The following OSMR variants were observed in gnomAD, a reference collection of about 807,000 sequenced individuals.
OSMR encodes oncostatin-M-specific receptor subunit beta.
A neutral mutation model predicts 99.9 loss-of-function variants in OSMR; 81 were observed. The observed-to-expected ratio is 0.81, with a 90% CI of 0.68 to 0.97. OSMR has a LOEUF of 0.97. Ranked by LOEUF, OSMR falls within the 50% of genes least tolerant of loss-of-function variation. OSMR has a pLI of 0.00. For synonymous variants in OSMR, 406 were observed against 410.4 expected, an observed-to-expected ratio of 0.99 and a Z score of 0.13; for missense variants, 1,099 against 1,153.4, an observed-to-expected ratio of 0.95 and a Z score of 0.68.
At chr5:38,856,219 C>A (rs1436085457) in intron 1 of OSMR, among the ~76,000 whole-genome samples, 2 of 152,174 alleles carry the variant, frequency 1.3e-5, no homozygotes, top group Non-Finnish European at 2.9e-5. Context: ...TGTGTTTTTT[C>A]ATACTGCATC....
chr5:38,944,872 A>C, intron 2 of OSMR: 1 of 1,572,472 alleles, frequency 6.4e-7, no homozygotes, highest in Non-Finnish European at 8.7e-7. Context: ...TAATCAGAAC[A>C]GTTTTACTAA....
intron 1 of OSMR, among the ~76,000 whole-genome samples, chr5:38,861,953 T>G (rs13359818): frequency 2.8e-5 from 3 of 108,318 alleles, no homozygotes; most frequent in South Asian, 3.3e-4. Context: ...CCGGACGGGG[T>G]GGCTGGCCGG....
intron 1 of OSMR, among the ~76,000 whole-genome samples, chr5:38,858,161 T>C (rs981181140): frequency 6.6e-6 from 1 of 152,212 alleles, no homozygotes; most frequent in Non-Finnish European, 1.5e-5. Flanking sequence ...AAATACACAA[T>C]ATGTTGTTGT....
intron 11 of OSMR, among the ~76,000 whole-genome samples, chr5:38,919,932 C>T (rs1746147261): frequency 1.3e-5 from 2 of 152,074 alleles, no homozygotes; most frequent in African/African-American, 4.8e-5. Flanking sequence ...CTATATTGTG[C>T]CATAGAAGAA....
chr5:38,861,190 G>T (rs1741264433), intron 1 of OSMR, among the ~76,000 whole-genome samples: 1 of 152,124 alleles, frequency 6.6e-6, no homozygotes, highest in Non-Finnish European at 1.5e-5. Flanking sequence ...CAGGGTCATA[G>T]GACAATATTG....
rs557390638 is a variant in OSMR at position 38,917,308 on chromosome 5, T to A, written c.1286-238T>A. The A allele has an allele frequency of 7.2e-5, 34 of 473,234 alleles. 1 individual carries two copies. The South Asian group carries it at 2.8e-3, about 39-fold the overall frequency. 29.3% of individuals were successfully genotyped at this position (473,234 alleles called of 1,614,324 possible). On this transcript the variant is annotated intron_variant, in intron 9 of 17. Coordinates refer to ENST00000274276, the MANE Select transcript of OSMR (RefSeq NM_003999.3). ...TTTGGTAGTTGTATGGCTTGATGTT[T>A]ATAAAGGCTTTCAGAGGCAGCTGAC...
chr5:38,936,441 A>C (rs1302003375), downstream of OSMR, among the ~76,000 whole-genome samples: 1 of 152,228 alleles, frequency 6.6e-6, no homozygotes, highest in Admixed American at 6.5e-5. Flanking sequence ...ATCCTGCGTC[A>C]GCCTGTGCAC....
chr5:38,862,320 G>T (rs1741479733), intron 1 of OSMR, among the ~76,000 whole-genome samples: 1 of 103,144 alleles, frequency 9.7e-6, no homozygotes, highest in African/African-American at 4.0e-5. Context: ...CTCCCGGACG[G>T]GGTGGCTGGC....
At chr5:38,914,166 T>C (rs1169185411) in intron 9 of OSMR, among the ~76,000 whole-genome samples, 2 of 152,158 alleles carry the variant, frequency 1.3e-5, no homozygotes, top group Admixed American at 6.5e-5. Context: ...ACAAGAGAAA[T>C]TTAGTGTCTC....
intron 1 of OSMR, among the ~76,000 whole-genome samples, chr5:38,856,992 C>T (rs1042348322): frequency 3.9e-5 from 6 of 152,196 alleles, no homozygotes; most frequent in Non-Finnish European, 8.8e-5. Flanking sequence ...GGTACCCAAA[C>T]CATAGAAATA....
At chr5:38,945,456 C>T, downstream of OSMR, 1 of 1,402,872 alleles carries the variant, frequency 7.1e-7, no homozygotes, top group Non-Finnish European at 1.0e-6. Flanking sequence ...TTAGTCATCA[C>T]TAGGTTTTTC....
chr5:38,933,736 C>T lies in OSMR; in HGVS notation c.*292C>T. ...GACTTGAGCTTGACCTAAGGATATG[C>T]ATTAACCACTCTACAGACTCCCACT... On this transcript the variant is annotated 3_prime_UTR_variant, in exon 18 of 18. Coordinates refer to ENST00000274276, the MANE Select transcript of OSMR (RefSeq NM_003999.3). The T allele has an allele frequency of 2.2e-6, 1 of 449,828 alleles. No individual in the cohort carries two copies. Among genetic ancestry groups the T allele is most frequent in the South Asian group, 2.3e-5 (1 of 42,734 alleles). The allele number at this position is 449,828 out of a possible 1,614,324, so 27.9% of individuals were successfully genotyped here.
intron 10 of OSMR, among the ~76,000 whole-genome samples, chr5:38,918,504 T>C (rs1268690363): frequency 6.6e-6 from 1 of 152,156 alleles, no homozygotes; most frequent in Non-Finnish European, 1.5e-5. Context: ...CTGTTTGTAC[T>C]CATTGCTTTT....
chr5:38,899,281 C>T (rs1468251718), intron 7 of OSMR, among the ~76,000 whole-genome samples: 2 of 152,074 alleles, frequency 1.3e-5, no homozygotes, highest in Non-Finnish European at 2.9e-5. Flanking sequence ...ACTCTTTAGT[C>T]AGCTTGTGGT....
chr5:38,850,120 T>G (rs1199482345), intron 1 of OSMR, among the ~76,000 whole-genome samples: 4 of 152,176 alleles, frequency 2.6e-5, no homozygotes, highest in African/African-American at 9.7e-5. Flanking sequence ...AACTTGAATG[T>G]GCATATGAAT....
At chr5:38,942,070 A>T (rs1747627586) in intron 1 of OSMR, 3 of 371,084 alleles carry the variant, frequency 8.1e-6, no homozygotes, top group African/African-American at 4.1e-5. Flanking sequence ...TGAAACTCTT[A>T]AAACTGTGGT....
At chr5:38,876,159 T>G (rs1199866775) in intron 2 of OSMR, 42 bp from the exon 3 acceptor site, 2 of 1,587,782 alleles carry the variant, frequency 1.3e-6, no homozygotes, top group South Asian at 2.2e-5. Context: ...TCAATCATGC[T>G]CCTATTAAAT....
In OSMR at chr5:38,932,903, G is replaced by C. The variant is rs35739767; in HGVS notation, c.2399G>C (p.Ser800Thr). The C allele has an allele frequency of 2.4e-4, 387 of 1,613,962 alleles. 1 individual carries two copies. In the African/African-American group the frequency reaches 4.4e-3, roughly 18 times the overall value. ...CCTCACCTAATAATAATGAATGTCA[G>C]TGACTGTATCCCAGATGCTATTGAA... is the stretch of plus-strand genomic sequence containing the variant. Reference protein sequence around the residue: ...ENPHLIIMNVSDCIPDAIEVV... With the variant: ...ENPHLIIMNVTDCIPDAIEVV... The change falls in exon 18 of 18, where the codon AGT becomes ACT. Residue 800 changes from serine (S) to threonine (T), a missense_variant. Ser to Thr is a moderately conservative substitution (Grantham distance 58). Transcript: ENST00000274276.
chr5:38,929,461 A>G (rs1053995960), intron 15 of OSMR, among the ~76,000 whole-genome samples: 2 of 152,224 alleles, frequency 1.3e-5, no homozygotes, highest in African/African-American at 4.8e-5. Flanking sequence ...GGCATTACTG[A>G]ATCACTTTTC....
Sources: allele counts gnomAD v4.1 joint callset (sites outside exome capture counted in the v4.1 genomes callset), GRCh38; gene constraint gnomAD v4.1.1; transcripts MANE v1.5; gene names NCBI Gene and HGNC (gene_info 2026-07-23, HGNC 2026-07-21).